Variants in KMT5A observed in about 807,000 individuals in gnomAD.
KMT5A encodes lysine methyltransferase 5A, also known as N-lysine methyltransferase KMT5A.
Under a neutral mutation model 40.6 loss-of-function variants are expected in KMT5A, and 6 were observed. That is an observed-to-expected ratio of 0.15 (90% confidence interval 0.08 to 0.29). The LOEUF (loss-of-function observed/expected upper bound fraction) is 0.29, where lower values mean the gene tolerates loss of function less well. Among genes scored for constraint, KMT5A ranks in the 10% least tolerant of loss-of-function variants. KMT5A has a pLI of 1.00. For missense variants in KMT5A, 308 were observed against 459.1 expected, an observed-to-expected ratio of 0.67 and a Z score of 3.01; for synonymous variants, 153 against 178.8, an observed-to-expected ratio of 0.86 and a Z score of 1.15.
chr12:123,388,386 G>C (rs377697640), intron 1 of KMT5A: 1 of 152,242 alleles, frequency 6.6e-6, no homozygotes, highest in Non-Finnish European at 1.5e-5. Flanking sequence ...GTGAGATAAC[G>C]GCAAGAGACT....
At chr12:123,385,634 C>T (rs1476621983) in intron 1 of KMT5A, among the ~76,000 whole-genome samples, 2 of 152,114 alleles carry the variant, frequency 1.3e-5, no homozygotes, top group African/African-American at 4.8e-5. Flanking sequence ...GGCAGATCAC[C>T]TGAGGTCGGG....
intron 2 of KMT5A, among the ~76,000 whole-genome samples, chr12:123,389,757 G>A (rs1877144630): frequency 1.3e-5 from 2 of 152,062 alleles, no homozygotes; most frequent in Admixed American, 1.3e-4. Flanking sequence ...CCTTCGTGGC[G>A]TCTCCGCAGC....
intron 7 of KMT5A, among the ~76,000 whole-genome samples, chr12:123,405,879 G>C (rs1878513831): frequency 6.6e-6 from 1 of 151,386 alleles, no homozygotes; most frequent in African/African-American, 2.4e-5. Flanking sequence ...GAGTGCAGTG[G>C]TGCAATCTTG....
At position 123,394,962 on chromosome 12, in the gene KMT5A, A is replaced by G. The variant is rs1877580712; in HGVS notation, c.290-85A>G. 4.7e-6 allele frequency: 6 copies of G among 1,277,842 alleles called. No homozygotes were observed. The East Asian group carries it at 1.5e-4, about 32-fold the overall frequency. 79.2% of individuals were successfully genotyped at this position (1,277,842 alleles called of 1,614,324 possible). A position where few individuals can be genotyped will look rare whatever the true frequency, so the allele number is the denominator to read the frequency against. On this transcript the variant is annotated intron_variant, in intron 3 of 7. Transcript: ENST00000402868. ...ACAAACCCAGGATCCTGTCTTCTCA[A>G]AGCTTGTCTTAGAATGCAGCTGGTC...
Position 123,395,240 on chromosome 12 carries a change from C to T in KMT5A, c.483C>T (p.Ile161=). The T allele has an allele frequency of 6.2e-7, 1 of 1,613,424 alleles. No individual in the cohort carries two copies. Among genetic ancestry groups the T allele is most frequent in the South Asian group, 1.1e-5 (1 of 90,926 alleles). The stretch of plus-strand genomic sequence containing the variant: ...CCAAGCAAGCCCTGAAAAAGCCCAT[C>T]AAGGGCAAACAGGCCCCCCGAAAAA... ...AIAKQALKKP[I]KGKQAPRKKA... Residue 161 remains isoleucine, a synonymous_variant, in exon 4 of 8, where the codon ATC becomes ATT. Transcript: ENST00000402868.
chr12:123,390,555 G>T, intron 2 of KMT5A, 75 bp from the exon 3 acceptor site: 1 of 1,539,384 alleles, frequency 6.5e-7, no homozygotes, highest in Non-Finnish European at 8.8e-7. Context: ...TTCATCTTTT[G>T]TATTCCTCCT....
chr12:123,389,724 G>C (rs528826116), intron 2 of KMT5A, among the ~76,000 whole-genome samples, 170 bp downstream of exon 2: 68 of 152,090 alleles, frequency 4.5e-4, no homozygotes, highest in African/African-American at 1.5e-3. Context: ...GGCGGTGTTT[G>C]ACCTCGGAAA....
chr12:123,396,205 A>C, intron 4 of KMT5A, 140 bp from the exon 5 acceptor site: 3 of 714,944 alleles, frequency 4.2e-6, no homozygotes, highest in South Asian at 3.5e-5. Flanking sequence ...AGTGACCTGC[A>C]GGCTCCAGTG....
Position 123,390,645 on chromosome 12 carries a change from G to C in KMT5A, c.148G>C (p.Gly50Arg), listed in dbSNP as rs745678227. Residue 50 changes from glycine (G) to arginine (R), a missense_variant, in exon 3 of 8, where the codon GGG becomes CGG. Physicochemically the swap from Gly to Arg is moderately radical, Grantham distance 125. Transcript: ENST00000402868. ...GTCTTTTTAGGAGAACGTATTTACC[G>C]GGCAGTCAAAGATCTATTCCTACAT... is the stretch of plus-strand genomic sequence containing the variant. Reference protein sequence around the residue: ...PRTDGENVFTGQSKIYSYMSP... With the variant: ...PRTDGENVFTRQSKIYSYMSP... The C allele has an allele frequency of 3.1e-6, 5 of 1,613,596 alleles. No homozygotes were observed. The highest frequency in any genetic ancestry group is 4.2e-6 in the Non-Finnish European group (5 of 1,179,752).
At position 123,384,254 on chromosome 12, in the gene KMT5A, G is replaced by A. The variant is rs1247642814; in HGVS notation, c.10+46G>A. On this transcript the variant is annotated intron_variant, in intron 1 of 7. Coordinates refer to ENST00000402868, the MANE Select transcript of KMT5A (RefSeq NM_020382.7). This position sits in a 1 kb window ranked among gnomAD's most constrained non-coding sequence, Gnocchi z 5.7. ...CACCGGAGCGGCTGGGTCGGGGGTCGTGCTGGAGGGGTTGCCGGGGTGGAG... is the reference window on the plus strand; with the variant it reads ...CACCGGAGCGGCTGGGTCGGGGGTCATGCTGGAGGGGTTGCCGGGGTGGAG... The A allele has an allele frequency of 1.2e-6, 2 of 1,608,130 alleles. No homozygotes were observed. Among genetic ancestry groups the A allele is most frequent in the Non-Finnish European group, 8.5e-7 (1 of 1,178,084 alleles).
Position 123,390,816 on chromosome 12 carries a change from C to T in KMT5A, c.289+30C>T, listed in dbSNP as rs754701605. 6 of 1,608,552 alleles carry T rather than the reference C, an allele frequency of 3.7e-6. No homozygotes were observed. In the Admixed American group the frequency reaches 5.1e-5, roughly 14 times the overall value. The stretch of plus-strand genomic sequence containing the variant: ...GCTTTTGAAATGGCCTCGTTCTGAT[C>T]CCAGCTGGTCGGGTTGCAGAAGCCT... On this transcript the variant is annotated intron_variant, in intron 3 of 7. Coordinates refer to ENST00000402868, the MANE Select transcript of KMT5A (RefSeq NM_020382.7).
intron 3 of KMT5A, among the ~76,000 whole-genome samples, chr12:123,391,709 C>G (rs1432156270): frequency 6.6e-6 from 1 of 152,236 alleles, no homozygotes; most frequent in Non-Finnish European, 1.5e-5. Flanking sequence ...GGAGTGTCAG[C>G]TTTCCCCAAT....
At chr12:123,393,031 C>G (rs1877427064) in intron 3 of KMT5A, among the ~76,000 whole-genome samples, 1 of 152,096 alleles carries the variant, frequency 6.6e-6, no homozygotes, top group Non-Finnish European at 1.5e-5. Flanking sequence ...TGCCCGCCAC[C>G]ACGCTCGGCT....
At chr12:123,400,329 C>T (rs1437353530) in intron 5 of KMT5A, among the ~76,000 whole-genome samples, 2 of 151,254 alleles carry the variant, frequency 1.3e-5, no homozygotes, top group African/African-American at 4.9e-5. Context: ...GCCACCGTGC[C>T]CAGCCAAAAA....
Position 123,390,263 on chromosome 12 carries a change from C to G in KMT5A, c.133-367C>G, listed in dbSNP as rs1324575801. 3 of 406,388 alleles carry G rather than the reference C, an allele frequency of 7.4e-6. No homozygotes were observed. In the East Asian group the frequency reaches 2.1e-4, roughly 28 times the overall value. 25.2% of individuals were successfully genotyped at this position (406,388 alleles called of 1,614,324 possible). ...GGCGTGTTTCTGTGCTGAGTCCCTG[C>G]GGCTCCTGCCAGGGCAGTGAACTCC... On this transcript the variant is annotated intron_variant, in intron 2 of 7. Transcript: ENST00000402868.
At chr12:123,385,680 C>T (rs896970695) in intron 1 of KMT5A, among the ~76,000 whole-genome samples, 5 of 152,016 alleles carry the variant, frequency 3.3e-5, no homozygotes, top group East Asian at 1.9e-4. Context: ...GGAGAAATCC[C>T]GTCTCTACTA....
At position 123,395,067 on chromosome 12, in the gene KMT5A, G is replaced by C; in HGVS notation, c.310G>C (p.Ala104Pro). The change falls in exon 4 of 8, where the codon GCA becomes CCA. Residue 104 changes from alanine (A) to proline (P), a missense_variant. By Grantham distance (27) the Ala-to-Pro change is conservative. Around this residue, in one of 4 missense-constraint regions of KMT5A, gnomAD observed 127 missense variants for 129.8 expected, o/e 0.98. Coordinates refer to ENST00000402868, the MANE Select transcript of KMT5A (RefSeq NM_020382.7). Reference sequence around the variant, plus strand: ...TGCAGAGAAAAGAAATGCTGGGAACGCAGTACGGAGCGCCATGAAGTCCGA... The same window carrying C: ...TGCAGAGAAAAGAAATGCTGGGAACCCAGTACGGAGCGCCATGAAGTCCGA... ...KREEKRNAGNAVRSAMKSEEQ... is the reference protein window; with the variant it reads ...KREEKRNAGNPVRSAMKSEEQ... 1 of 1,576,632 alleles carries C rather than the reference G, an allele frequency of 6.3e-7. No individual in the cohort carries two copies. The highest frequency in any genetic ancestry group is 8.6e-7 in the Non-Finnish European group (1 of 1,161,102).
At chr12:123,396,778 T>C (rs1281175718) in intron 5 of KMT5A, among the ~76,000 whole-genome samples, 3 of 151,664 alleles carry the variant, frequency 2.0e-5, no homozygotes, top group African/African-American at 7.3e-5. Context: ...AGGCTGCCTG[T>C]TCTTTCAGAG....
chr12:123,405,621 G>C (rs1216328836), intron 7 of KMT5A, among the ~76,000 whole-genome samples: 1 of 146,594 alleles, frequency 6.8e-6, no homozygotes, highest in Non-Finnish European at 1.5e-5. Flanking sequence ...CCGGGTTCAA[G>C]GTATTCTGTC....
Sources: allele counts gnomAD v4.1 joint callset (sites outside exome capture counted in the v4.1 genomes callset), GRCh38; gene constraint gnomAD v4.1.1; regional missense constraint gnomAD v4.1.1; non-coding constraint Gnocchi (gnomAD v3.1); transcripts MANE v1.5; gene names NCBI Gene and HGNC (gene_info 2026-07-23, HGNC 2026-07-21).